The following THSD7B variants were observed in gnomAD, a reference collection of about 807,000 sequenced individuals.
THSD7B encodes thrombospondin type 1 domain containing 7B.
In THSD7B, 138 loss-of-function variants were observed where a neutral mutation model predicts 213.6. That is an observed-to-expected ratio of 0.65 (90% CI 0.56 to 0.74). The LOEUF (loss-of-function observed/expected upper bound fraction) is 0.74, where lower values mean the gene tolerates loss of function less well. THSD7B is among the 30% of genes least tolerant of loss of function. The probability of loss-of-function intolerance (pLI) is 0.00; values close to 1 mark genes in which losing one functional copy is unlikely to be tolerated. For missense variants in THSD7B, 1,931 were observed against 1,991.5 expected (o/e 0.97, Z 0.58); for synonymous variants, 742 against 687.0 (o/e 1.08, Z -1.25).
In THSD7B at chr2:137,624,754, G is replaced by A. The variant is rs375896947; in HGVS notation, c.3799+4028G>A. Among the ~76,000 whole-genome samples the A allele has an allele frequency of 3.3e-5, 5 of 152,304 alleles. No homozygotes were observed. The East Asian group carries it at 7.7e-4, about 24-fold the overall frequency. The stretch of plus-strand genomic sequence containing the variant: ...CATCATCACTGGTCATCAGAGAAAT[G>A]CAAATCAAAACCACAATGAGATACC... On this transcript the variant is annotated intron_variant, in intron 20 of 27. Transcript: ENST00000409968.
At chr2:137,491,397 A>G (rs1307407176) in intron 15 of THSD7B, among the ~76,000 whole-genome samples, 1 of 152,226 alleles carries the variant, frequency 6.6e-6, no homozygotes, top group East Asian at 1.9e-4. Flanking sequence ...TATGTTTTTG[A>G]TAGAACTATT....
At chr2:137,526,611 A>C (rs1484278134) in intron 15 of THSD7B, among the ~76,000 whole-genome samples, 2 of 152,098 alleles carry the variant, frequency 1.3e-5, no homozygotes, top group Non-Finnish European at 2.9e-5. Flanking sequence ...TTTAGTAGAG[A>C]CAGGGTTTTG....
intron 1 of THSD7B, among the ~76,000 whole-genome samples, chr2:136,864,897 C>T (rs917103710): frequency 2.0e-5 from 3 of 152,118 alleles, no homozygotes; most frequent in African/African-American, 7.2e-5. Context: ...ACATAATACT[C>T]CATGGAGAAG....
At chr2:137,283,812 T>G (rs903048965) in intron 12 of THSD7B, among the ~76,000 whole-genome samples, 2 of 152,182 alleles carry the variant, frequency 1.3e-5, no homozygotes, top group Admixed American at 6.5e-5. Context: ...AGTATTTTAT[T>G]GAGGGTTTTT....
intron 7 of THSD7B, among the ~76,000 whole-genome samples, chr2:137,187,400 C>T (rs1043737038): frequency 2.0e-5 from 3 of 152,188 alleles, no homozygotes; most frequent in African/African-American, 7.2e-5. Context: ...TTTTACAAAG[C>T]TCAAGAGCAG....
intron 15 of THSD7B, among the ~76,000 whole-genome samples, chr2:137,543,858 A>G (rs1439284820): frequency 6.6e-6 from 1 of 151,064 alleles, no homozygotes; most frequent in Non-Finnish European, 1.5e-5. Flanking sequence ...AGCAGTCAAA[A>G]GGACCCGAAA....
Position 137,642,262 on chromosome 2 carries a change from A to C in THSD7B, c.3800-226A>C, listed in dbSNP as rs950070290. On this transcript the variant is annotated intron_variant, in intron 20 of 27. Transcript: ENST00000409968. The stretch of plus-strand genomic sequence containing the variant: ...TAGAACGTTTGTACTTTGAAGACTA[A>C]AAGAAGTAGAAGACAGAATTTCAGA... 4 of 479,606 alleles carry C rather than the reference A, an allele frequency of 8.3e-6. No individual in the cohort carries two copies. The South Asian group carries it at 1.3e-4, about 15-fold the overall frequency. The allele number at this position is 479,606 out of a possible 1,614,324, so 29.7% of individuals were successfully genotyped here.
intron 21 of THSD7B, among the ~76,000 whole-genome samples, chr2:137,652,171 T>C (rs1683152183): frequency 6.6e-6 from 1 of 152,054 alleles, no homozygotes; most frequent in South Asian, 2.1e-4. Context: ...ATTATTGTAT[T>C]GAGATCTCTC....
chr2:137,623,103 A>C (rs1283696744), intron 20 of THSD7B, among the ~76,000 whole-genome samples: 1 of 152,238 alleles, frequency 6.6e-6, no homozygotes, highest in East Asian at 1.9e-4. Flanking sequence ...AACCGAATCC[A>C]GCAGCACATC....
chr2:137,321,711 G>A (rs933177445), intron 12 of THSD7B, among the ~76,000 whole-genome samples: 5 of 152,110 alleles, frequency 3.3e-5, no homozygotes, highest in Non-Finnish European at 5.9e-5. Flanking sequence ...AGACTCTCAA[G>A]GGCCTTCAAA....
chr2:136,768,073 GT>G (rs1295220036), intron 1 of THSD7B, among the ~76,000 whole-genome samples: 5 of 152,106 alleles, frequency 3.3e-5, no homozygotes, highest in Non-Finnish European at 5.9e-5. Context: ...GTAACGAGAG[GT>G]ACCTTTCTGT....
intron 1 of THSD7B, among the ~76,000 whole-genome samples, chr2:136,850,071 A>AT (rs1683073018): frequency 6.6e-6 from 1 of 151,992 alleles, no homozygotes; most frequent in Non-Finnish European, 1.5e-5. Context: ...TATAAAATAT[A>AT]TTTTTTGACA....
At chr2:137,294,412 G>A (rs80225475) in intron 12 of THSD7B, among the ~76,000 whole-genome samples, 7,658 of 151,548 alleles carry the variant, frequency 0.051, 463 homozygotes, top group African/African-American at 0.14. Flanking sequence ...GTGAAACCCC[G>A]TCTCTAATAA....
In THSD7B at chr2:137,272,689, G is replaced by A. The variant is rs766539946; in HGVS notation, c.2396+27G>A. The A allele has an allele frequency of 3.3e-5, 53 of 1,604,628 alleles. No individual in the cohort carries two copies. The South Asian group carries it at 4.5e-4, about 14-fold the overall frequency. On this transcript the variant is annotated intron_variant, in intron 11 of 27. Coordinates refer to ENST00000409968, the MANE Select transcript of THSD7B (RefSeq NM_001316349.2). Reference sequence around the variant, plus strand: ...CAAGTAGTTACCTTTTAAAATTATCGTTAGACCTACTGTAAATTATAACCT... The same window carrying A: ...CAAGTAGTTACCTTTTAAAATTATCATTAGACCTACTGTAAATTATAACCT...
At chr2:136,974,281 A>G (rs373039427) in intron 2 of THSD7B, among the ~76,000 whole-genome samples, 2 of 152,244 alleles carry the variant, frequency 1.3e-5, no homozygotes, top group African/African-American at 2.4e-5. Flanking sequence ...TGCTGCAGCT[A>G]TCAACCCATC....
At chr2:137,634,646 G>C (rs1000348595) in intron 20 of THSD7B, among the ~76,000 whole-genome samples, 6 of 152,178 alleles carry the variant, frequency 3.9e-5, no homozygotes, top group African/African-American at 1.4e-4. Flanking sequence ...GTTGTTTACA[G>C]CATGGCTTTC....
chr2:137,434,322 C>G (rs936918075), intron 14 of THSD7B, among the ~76,000 whole-genome samples: 10 of 152,178 alleles, frequency 6.6e-5, no homozygotes, highest in African/African-American at 2.4e-4. Flanking sequence ...TTAGATGCCT[C>G]TCTCTGAGTG....
At position 136,890,303 on chromosome 2, in the gene THSD7B, C is replaced by CCTCCTCTTCTTCTTCTT. The variant is rs1553455794; in HGVS notation, c.139+7988_139+7989insCCTCTTCTTCTTCTTCT. 1.4e-3 allele frequency among the ~76,000 whole-genome samples: 7 copies of CCTCCTCTTCTTCTTCTT among 5,162 alleles called. 2 individuals carry two copies. The highest frequency in any genetic ancestry group is 5.3e-3 in the South Asian group (1 of 188). The allele number at this position is 5,162 out of a possible 152,430, so 3.4% of individuals were successfully genotyped here. A position where few individuals can be genotyped will look rare whatever the true frequency, so the allele number is the denominator to read the frequency against. ...TGCTCATTCATGTCCATGTCCTACT[C>CCTCCTCTTCTTCTTCTT]CTTCTTCTTCTTCTTCTTCTTCTTC... On this transcript the variant is annotated intron_variant, in intron 2 of 27. Transcript: ENST00000409968.
intron 14 of THSD7B, among the ~76,000 whole-genome samples, chr2:137,443,704 G>A (rs1687468554): frequency 6.6e-6 from 1 of 151,934 alleles, no homozygotes; most frequent in African/African-American, 2.4e-5. Context: ...CTTTTCCTAG[G>A]TGATCTTGAA....
Sources: allele counts gnomAD v4.1 joint callset (sites outside exome capture counted in the v4.1 genomes callset), GRCh38; gene constraint gnomAD v4.1.1; transcripts MANE v1.5; gene names NCBI Gene and HGNC (gene_info 2026-07-23, HGNC 2026-07-21).